Variants in SLC29A1 observed in about 807,000 individuals in gnomAD.
SLC29A1 encodes equilibrative nucleoside transporter 1.
SLC29A1 carries 22 observed loss-of-function variants against 48.3 expected under a neutral mutation model. The observed-to-expected ratio is 0.46, with a 90% confidence interval of 0.33 to 0.65. SLC29A1 has a LOEUF of 0.65. Among genes scored for constraint, SLC29A1 ranks in the 30% least tolerant of loss-of-function variants. SLC29A1 has a pLI of 0.03. For synonymous variants in SLC29A1, 228 were observed against 231.0 expected (o/e 0.99, Z 0.12); for missense variants, 491 against 575.3 (o/e 0.85, Z 1.50).
chr6:44,233,376 C>T (rs1779330896), intron 12 of SLC29A1, 41 bp from the exon 13 acceptor site: 1 of 1,524,306 alleles, frequency 6.6e-7, no homozygotes. Context: ...GGCTGGGGTA[C>T]AGCCATTCTG....
rs8187633 is a variant in SLC29A1, at chr6:44,232,368, T to C, written c.999T>C (p.Cys333=). ...TWERYFIPVS[C]FLTFNIFDWL... is the part of the protein sequence containing the mutation. ...AACGTTACTTCATTCCTGTGTCCTG[T>C]TTCTTGACTTTCAATATCTTTGACT... The change falls in exon 11 of 13, where the codon TGT becomes TGC. Residue 333 remains cysteine (C), a synonymous_variant. Coordinates refer to ENST00000371755, the MANE Select transcript of SLC29A1 (RefSeq NM_001372327.1). This position sits in a 1 kb window ranked among gnomAD's most constrained non-coding sequence, Gnocchi z 4.7. The C allele has an allele frequency of 2.7e-5, 44 of 1,613,520 alleles. No homozygotes were observed. The highest frequency in any genetic ancestry group is 3.6e-5 in the Non-Finnish European group (42 of 1,179,546).
intron 1 of SLC29A1, among the ~76,000 whole-genome samples, chr6:44,225,473 T>C (rs1263895503): frequency 7.4e-6 from 1 of 134,952 alleles, no homozygotes; most frequent in Non-Finnish European, 1.5e-5. Context: ...GCCATTGCAC[T>C]CCAGCCTGGG....
chr6:44,231,896 T>C, intron 9 of SLC29A1, 102 bp from the exon 10 acceptor site: 1 of 823,816 alleles, frequency 1.2e-6, no homozygotes, highest in Non-Finnish European at 2.1e-6. Flanking sequence ...AGTGCTGAGA[T>C]TACAGGCGTG....
chr6:44,221,673 A>G, upstream of SLC29A1: 1 of 1,288,696 alleles, frequency 7.8e-7, no homozygotes, highest in African/African-American at 1.5e-5. The surrounding 1 kb of genome is among the most constrained non-coding windows in gnomAD (Gnocchi z 4.2). Context: ...GAAAAACTCC[A>G]GGCAAGGCCT....
Position 44,230,658 on chromosome 6 carries a change from C to T in SLC29A1, c.680C>T (p.Pro227Leu), listed in dbSNP as rs752562541. Residue 227 changes from proline (P) to leucine (L), a missense_variant, in exon 7 of 13, where the codon CCC (proline) becomes CTC (leucine). By Grantham distance (98) the Pro-to-Leu change is moderately conservative (BLOSUM62 -3). Coordinates refer to ENST00000371755, the MANE Select transcript of SLC29A1 (RefSeq NM_001372327.1). ...ILTIICYLGL[P>L]RLEFYRYYQQ... ...ACCATCATCTGTTACCTGGGCCTGC[C>T]CCGCCTGGTGAGTAAATGGAGGGAG... 5 of 1,611,900 alleles carry T rather than the reference C, an allele frequency of 3.1e-6. No homozygotes were observed. The African/African-American group carries it at 6.7e-5, about 22-fold the overall frequency.
Position 44,229,952 on chromosome 6 carries a change from G to C in SLC29A1, c.360G>C (p.Leu120=). The stretch of plus-strand genomic sequence containing the variant: ...TCCTGGGCAGCCTGGTGGCCATCCT[G>C]CTGGTGTTTCTGATCACTGCCATCC... ...VRILGSLVAI[L]LVFLITAILV... The change falls in exon 5 of 13, where the codon CTG becomes CTC. Residue 120 remains leucine (L), a synonymous_variant. Coordinates refer to ENST00000371755, the MANE Select transcript of SLC29A1 (RefSeq NM_001372327.1). This position sits in a 1 kb window ranked among gnomAD's most constrained non-coding sequence, Gnocchi z 5.1. 6.2e-7 allele frequency: 1 copy of C among 1,613,424 alleles called. No homozygotes were observed. Among genetic ancestry groups the C allele is most frequent in the Non-Finnish European group, 8.5e-7 (1 of 1,180,028 alleles).
At chr6:44,228,796 C>G (rs955556013) in intron 2 of SLC29A1, among the ~76,000 whole-genome samples, 26 of 152,236 alleles carry the variant, frequency 1.7e-4, no homozygotes, top group African/African-American at 6.3e-4. Flanking sequence ...CCTGGCCTGC[C>G]CTGGGTGGTA....
At chr6:44,231,258 A>T in intron 8 of SLC29A1, 106 bp from the exon 9 acceptor site, 1 of 754,790 alleles carries the variant, frequency 1.3e-6, no homozygotes, top group Non-Finnish European at 2.3e-6. Flanking sequence ...GGGACTGGTT[A>T]AGGAGGCGTC....
At chr6:44,223,138 C>T (rs924143499), upstream of SLC29A1, among the ~76,000 whole-genome samples, 2 of 151,954 alleles carry the variant, frequency 1.3e-5, no homozygotes, top group Admixed American at 1.3e-4. This position sits in a 1 kb window ranked among gnomAD's most constrained non-coding sequence, Gnocchi z 5.0. Flanking sequence ...AGGGAGGGCG[C>T]TGGGAGGAAA....
At chr6:44,227,558 C>T (rs924630224) in intron 2 of SLC29A1, among the ~76,000 whole-genome samples, 3 of 152,216 alleles carry the variant, frequency 2.0e-5, no homozygotes, top group African/African-American at 7.2e-5. Context: ...AGCAGTCCTT[C>T]CCTGGCCTGT....
intron 12 of SLC29A1, 131 bp downstream of exon 12, chr6:44,233,137 G>A: frequency 1.0e-6 from 1 of 992,946 alleles, no homozygotes; most frequent in South Asian, 1.4e-5. Context: ...GCTCAGGAGG[G>A]GCTCCCAGGC....
Position 44,233,590 on chromosome 6 carries a change from G to C in SLC29A1, c.*62G>C. On this transcript the variant is annotated 3_prime_UTR_variant, in exon 13 of 13. Transcript: ENST00000371755. The stretch of plus-strand genomic sequence containing the variant: ...TGTCTGCCTCCTGCCCCTTCCTTCT[G>C]CCAGGGGTGATCCTGAGTGGTCTGG... 7.4e-7 allele frequency: 1 copy of C among 1,348,630 alleles called. No individual in the cohort carries two copies. The highest frequency in any genetic ancestry group is 2.3e-5 in the East Asian group (1 of 43,568). The allele number at this position is 1,348,630 out of a possible 1,614,324, so 83.5% of individuals were successfully genotyped here.
chr6:44,221,588 A>G, upstream of SLC29A1: 1 of 1,227,502 alleles, frequency 8.1e-7, no homozygotes, highest in Non-Finnish European at 1.1e-6. The surrounding 1 kb of genome is among the most constrained non-coding windows in gnomAD (Gnocchi z 4.2). Context: ...TTCGACAGGG[A>G]CCTGAGGGAG....
In SLC29A1 at chr6:44,223,974, C is replaced by T. The variant is rs1776857776; in HGVS notation, c.-52+333C>T. On this transcript the variant is annotated intron_variant, in intron 1 of 12. Coordinates refer to ENST00000371755, the MANE Select transcript of SLC29A1 (RefSeq NM_001372327.1). This position sits in a 1 kb window ranked among gnomAD's most constrained non-coding sequence, Gnocchi z 5.0. ...CGATCTGGTCGGTATCAGGGAGGGG[C>T]CGTGCCGCTGACTGCGCTGGCGGAG... 2 of 983,458 alleles carry T rather than the reference C, an allele frequency of 2.0e-6. No individual in the cohort carries two copies. The highest frequency in any genetic ancestry group is 9.4e-5 in the South Asian group (2 of 21,322). 60.9% of individuals were successfully genotyped at this position (983,458 alleles called of 1,614,324 possible).
At chr6:44,231,570 C>A in intron 9 of SLC29A1, 109 bp downstream of exon 9, 1 of 741,176 alleles carries the variant, frequency 1.3e-6, no homozygotes, top group Non-Finnish European at 2.4e-6. Context: ...AGAGTGGTCA[C>A]TCCTGGATTC....
Position 44,229,808 on chromosome 6 carries a change from TCCCCAGC to T in SLC29A1, c.314+26_314+32del, listed in dbSNP as rs1276180694. 8 of 1,168,026 alleles carry T rather than the reference TCCCCAGC, an allele frequency of 6.8e-6. No homozygotes were observed. The highest frequency in any genetic ancestry group is 1.9e-5 in the Admixed American group (1 of 53,818). The allele number at this position is 1,168,026 out of a possible 1,614,324, so 72.4% of individuals were successfully genotyped here. A position where few individuals can be genotyped will look rare whatever the true frequency, so the allele number is the denominator to read the frequency against. ...GCATCAGAGGTGAGTGCCCACCCCC[TCCCCAGC>T]CCCCAGCCTGACCCTCACTGTGTCC... On this transcript the variant is annotated intron_variant, in intron 4 of 12. Coordinates refer to ENST00000371755, the MANE Select transcript of SLC29A1 (RefSeq NM_001372327.1). This position sits in a 1 kb window ranked among gnomAD's most constrained non-coding sequence, Gnocchi z 5.1.
Position 44,227,298 on chromosome 6 carries a change from CGAG to C in SLC29A1, c.-15_-13del. 6.2e-7 allele frequency: 1 copy of C among 1,614,076 alleles called. No individual in the cohort carries two copies. The highest frequency in any genetic ancestry group is 8.5e-7 in the Non-Finnish European group (1 of 1,179,990). On this transcript the variant is annotated 5_prime_UTR_variant, in exon 2 of 13. Coordinates refer to ENST00000371755, the MANE Select transcript of SLC29A1 (RefSeq NM_001372327.1). ...GAGGGAGCTGTCAGCCAGGGAAAAC[CGAG>C]AACACCATCACCATGACAACCAGTC...
intron 1 of SLC29A1, among the ~76,000 whole-genome samples, chr6:44,225,160 T>C (rs953786035): frequency 6.6e-6 from 1 of 152,066 alleles, no homozygotes; most frequent in African/African-American, 2.4e-5. Flanking sequence ...GTACGGGGTA[T>C]GCGGGTATGA....
upstream of SLC29A1, among the ~76,000 whole-genome samples, chr6:44,220,689 G>A (rs1776296230): frequency 6.6e-6 from 1 of 151,572 alleles, no homozygotes; most frequent in Non-Finnish European, 1.5e-5. Flanking sequence ...GCTGGGCGTG[G>A]TGGCACGTGC....
Sources: allele counts gnomAD v4.1 joint callset (sites outside exome capture counted in the v4.1 genomes callset), GRCh38; gene constraint gnomAD v4.1.1; non-coding constraint Gnocchi (gnomAD v3.1); transcripts MANE v1.5; gene names NCBI Gene and HGNC (gene_info 2026-07-23, HGNC 2026-07-21).